The following NISCH variants were observed in gnomAD, a reference collection of about 807,000 sequenced individuals.
The protein encoded by NISCH is nischarin.
NISCH carries 55 observed loss-of-function variants against 138.4 expected under a neutral mutation model. The observed-to-expected ratio is 0.40, with a 90% confidence interval of 0.32 to 0.50. The LOEUF is 0.50. Among genes scored for constraint, NISCH ranks in the 20% least tolerant of loss-of-function variants. The pLI, the probability that NISCH is intolerant of heterozygous loss-of-function variation, is 0.71. For missense variants in NISCH, 1,643 were observed against 2,005.5 expected (o/e 0.82, Z 3.45); for synonymous variants, 860 against 861.5 (o/e 1.00, Z 0.03).
In NISCH at chr3:52,491,636, C is replaced by T; in HGVS notation, c.3904+123C>T. ...GTCTCTCTTTTCTCACTTAGCTGGCCAGGGTTTTATGTGGGGCTTTTCGAT... is the reference window on the plus strand; with the variant it reads ...GTCTCTCTTTTCTCACTTAGCTGGCTAGGGTTTTATGTGGGGCTTTTCGAT... On this transcript the variant is annotated intron_variant, in intron 20 of 20. Transcript: ENST00000345716. The T allele has an allele frequency of 4.0e-6, 5 of 1,250,268 alleles. No individual in the cohort carries two copies. The South Asian group carries it at 6.1e-5, about 15-fold the overall frequency. The allele number at this position is 1,250,268 out of a possible 1,614,324, so 77.4% of individuals were successfully genotyped here.
chr3:52,481,763 C>T, intron 13 of NISCH: 1 of 985,600 alleles, frequency 1.0e-6, no homozygotes, highest in African/African-American at 1.7e-5. Flanking sequence ...TCGGAGAAGC[C>T]TCTGCACCAG....
intron 3 of NISCH, among the ~76,000 whole-genome samples, chr3:52,460,737 A>G (rs1339271425): frequency 2.6e-5 from 4 of 152,198 alleles, no homozygotes; most frequent in Admixed American, 2.0e-4. Flanking sequence ...ACAAGTTGAT[A>G]TGGACATATT....
rs781574397 is a variant in NISCH, at chr3:52,489,622, G to A, written c.3400G>A (p.Val1134Ile). The change falls in exon 17 of 21, where the codon GTC (valine) becomes ATC (isoleucine). Residue 1134 changes from valine to isoleucine, a missense_variant. Val to Ile is a conservative substitution (Grantham distance 29). Transcript: ENST00000345716. The part of the protein sequence containing the change: ...HLPACPSLRH[V>I]ASLRGSAIIE... ...GCCTGCCTGCCCGTCGCTCCGGCAC[G>A]TCGCCAGCCTGCGGGGCAGCGCCAT... 16 of 1,612,970 alleles carry A rather than the reference G, an allele frequency of 9.9e-6. No individual in the cohort carries two copies. The highest frequency in any genetic ancestry group is 6.6e-5 in the South Asian group (6 of 91,068).
At chr3:52,459,075 A>G (rs571413577) in intron 3 of NISCH, among the ~76,000 whole-genome samples, 2 of 152,328 alleles carry the variant, frequency 1.3e-5, no homozygotes, top group East Asian at 3.9e-4. Context: ...CCTCCACCAC[A>G]AGGCATTTTG....
intron 3 of NISCH, among the ~76,000 whole-genome samples, chr3:52,464,517 C>CTTTTTTTTTTTTTTTTTTT (rs71084185): frequency 2.6e-5 from 2 of 75,808 alleles, no homozygotes; most frequent in Non-Finnish European, 4.5e-5. Flanking sequence ...TGTGAGTTGT[C>CTTTTTTTTTTTTTTTTTTT]TTTTTTTTTT....
chr3:52,492,598 C>T lies in NISCH; in HGVS notation c.*116C>T. On this transcript the variant is annotated 3_prime_UTR_variant, in exon 21 of 21. Transcript: ENST00000345716. ...CCTTTGGTACCTTAATTTGACTGTC[C>T]TCGCAGAGAATGTGAACATGTGTGT... The T allele has an allele frequency of 2.4e-6, 3 of 1,248,348 alleles. No individual in the cohort carries two copies. Among genetic ancestry groups the T allele is most frequent in the Non-Finnish European group, 3.2e-6 (3 of 928,050 alleles). 77.3% of individuals were successfully genotyped at this position (1,248,348 alleles called of 1,614,324 possible). A position where few individuals can be genotyped will look rare whatever the true frequency, so the allele number is the denominator to read the frequency against.
rs1431778915 is a variant in NISCH, at chr3:52,478,478, C to G, written c.1203C>G (p.Leu401=). 2 of 1,614,102 alleles carry G rather than the reference C, an allele frequency of 1.2e-6. No individual in the cohort carries two copies. Among genetic ancestry groups the G allele is most frequent in the Non-Finnish European group, 1.7e-6 (2 of 1,180,048 alleles). The change falls in exon 11 of 21, where the codon CTC becomes CTG. Residue 401 remains leucine (L), a synonymous_variant. Coordinates refer to ENST00000345716, the MANE Select transcript of NISCH (RefSeq NM_007184.4). ...AGGAGGTCCGGAGCATAGGCAGCCT[C>G]CCGTGTCTGGAGCACGTGTCTCTGC... ...QMEEVRSIGS[L]PCLEHVSLLN... is the part of the protein sequence containing the mutation.
At chr3:52,491,717 C>A in intron 20 of NISCH, 155 bp from the exon 21 acceptor site, 1 of 1,112,458 alleles carries the variant, frequency 9.0e-7, no homozygotes, top group Non-Finnish European at 1.3e-6. Flanking sequence ...ATCTCCAGTG[C>A]CTGCTTTGGG....
intron 3 of NISCH, among the ~76,000 whole-genome samples, chr3:52,465,491 TG>T (rs1396560612): frequency 6.6e-6 from 1 of 152,142 alleles, no homozygotes; most frequent in Non-Finnish European, 1.5e-5. Context: ...CCACTTTAGG[TG>T]GGAGCGCAGG....
At chr3:52,484,462 T>TTGGGCCG in intron 13 of NISCH, 51 bp from the exon 14 acceptor site, 8 of 788,668 alleles carry the variant, frequency 1.0e-5, no homozygotes, top group Non-Finnish European at 1.5e-5. Flanking sequence ...ACAGCCGCTC[T>TTGGGCCG]CCCCGCCCCA....
At chr3:52,458,872 T>C (rs771285347) in intron 3 of NISCH, 28 bp downstream of exon 3, 1 of 1,561,616 alleles carries the variant, frequency 6.4e-7, no homozygotes, top group South Asian at 1.2e-5. Flanking sequence ...TTTTCACCTG[T>C]GCCTGCAAAC....
intron 3 of NISCH, among the ~76,000 whole-genome samples, chr3:52,470,076 C>A (rs1448795838): frequency 6.6e-6 from 1 of 150,562 alleles, no homozygotes; most frequent in Non-Finnish European, 1.5e-5. Context: ...AGAGCAAGAC[C>A]CTGTCTCTAT....
intron 1 of NISCH, among the ~76,000 whole-genome samples, chr3:52,456,837 G>A (rs978659778): frequency 8.5e-5 from 13 of 152,198 alleles, no homozygotes; most frequent in Non-Finnish European, 1.8e-4. Flanking sequence ...GGGAAACTAG[G>A]TGCAGGAGGC....
At chr3:52,471,213 A>T in intron 4 of NISCH, 1 of 484,644 alleles carries the variant, frequency 2.1e-6, no homozygotes, top group Non-Finnish European at 3.7e-6. Flanking sequence ...CCTGGGTCCC[A>T]TCCCTGCCAG....
chr3:52,477,902 A>G (rs1021290464), intron 9 of NISCH, 195 bp from the exon 10 acceptor site: 7 of 661,814 alleles, frequency 1.1e-5, no homozygotes, highest in Admixed American at 5.6e-5. Flanking sequence ...CGCCCACCCC[A>G]ACTGTCTGCA....
intron 3 of NISCH, among the ~76,000 whole-genome samples, chr3:52,467,839 C>T (rs113201593): frequency 9.2e-5 from 14 of 152,260 alleles, no homozygotes; most frequent in Middle Eastern, 3.4e-3. Context: ...TGCCCAGGCT[C>T]GACTCTGAAC....
In NISCH at chr3:52,483,091, C is replaced by T. The variant is rs150189282; in HGVS notation, c.1529-1422C>T. Among the ~76,000 whole-genome samples the T allele has an allele frequency of 3.5e-3, 528 of 152,318 alleles. 4 individuals carry two copies. The highest frequency in any genetic ancestry group is 0.019 in the South Asian group (91 of 4,824). ...CAGAGGGTGGATTGCAGGAGAGCAG[C>T]GGCCTGGGCAGGTGCCCAGCGTGGC... On this transcript the variant is annotated intron_variant, in intron 13 of 20. Coordinates refer to ENST00000345716, the MANE Select transcript of NISCH (RefSeq NM_007184.4).
chr3:52,482,911 G>A (rs751343262), intron 13 of NISCH, among the ~76,000 whole-genome samples: 3 of 152,196 alleles, frequency 2.0e-5, no homozygotes, highest in Non-Finnish European at 4.4e-5. Context: ...CCCCTGGGGA[G>A]CTTGGAGCCA....
At chr3:52,470,480 C>G (rs1358318074) in intron 3 of NISCH, 2 of 211,390 alleles carry the variant, frequency 9.5e-6, no homozygotes, top group African/African-American at 4.6e-5. Flanking sequence ...AAAAACAGGA[C>G]TTTTCTCTCT....
Sources: allele counts gnomAD v4.1 joint callset (sites outside exome capture counted in the v4.1 genomes callset), GRCh38; gene constraint gnomAD v4.1.1; transcripts MANE v1.5; gene names NCBI Gene and HGNC (gene_info 2026-07-23, HGNC 2026-07-21).